Variants in LRP1B observed in about 807,000 individuals in gnomAD.
LRP1B encodes LDL receptor related protein 1B.
A neutral mutation model predicts 556.6 loss-of-function variants in LRP1B; 217 were observed. The observed-to-expected ratio is 0.39, with a 90% CI of 0.35 to 0.44. LRP1B has a LOEUF of 0.44. Among genes scored for constraint, LRP1B ranks in the 20% least tolerant of loss-of-function variants. The pLI, the probability that LRP1B is intolerant of heterozygous loss-of-function variation, is 1.00. For missense variants in LRP1B, 5,053 were observed against 5,620.8 expected (o/e 0.90, Z 3.23); for synonymous variants, 2,047 against 1,865.8 (o/e 1.10, Z -2.50).
intron 86 of LRP1B, among the ~76,000 whole-genome samples, chr2:140,250,002 T>C (rs895970201): frequency 1.3e-5 from 2 of 151,984 alleles, no homozygotes; most frequent in Admixed American, 6.6e-5. Flanking sequence ...TCTATCTCTT[T>C]TTTATTATTC....
At chr2:141,490,181 A>G (rs556894012) in intron 2 of LRP1B, among the ~76,000 whole-genome samples, 161 of 152,258 alleles carry the variant, frequency 1.1e-3, no homozygotes, top group African/African-American at 3.7e-3. Flanking sequence ...TGCATCTAAC[A>G]TATAGAGCTT....
At chr2:141,131,717 G>A (rs1292994265) in intron 7 of LRP1B, among the ~76,000 whole-genome samples, 2 of 151,878 alleles carry the variant, frequency 1.3e-5, no homozygotes, top group Non-Finnish European at 2.9e-5. Context: ...CTCACTGACA[G>A]AGGGAAATGC....
chr2:140,450,849 C>T (rs1686855932), intron 62 of LRP1B, among the ~76,000 whole-genome samples, 188 bp from the exon 63 acceptor site: 1 of 152,210 alleles, frequency 6.6e-6, no homozygotes, highest in Admixed American at 6.5e-5. Context: ...GGAGAGGATA[C>T]TGCTCAGGAA....
chr2:141,832,172 T>A (rs1477364253), intron 1 of LRP1B, among the ~76,000 whole-genome samples: 2 of 151,708 alleles, frequency 1.3e-5, no homozygotes, highest in Non-Finnish European at 3.0e-5. Context: ...CACTCAATTT[T>A]TAAAAAATCT....
intron 82 of LRP1B, among the ~76,000 whole-genome samples, chr2:140,321,506 T>C (rs1259341739): frequency 6.6e-6 from 1 of 152,012 alleles, no homozygotes; most frequent in Non-Finnish European, 1.5e-5. Flanking sequence ...GTAAGTCCCA[T>C]TTTACAGAGA....
intron 2 of LRP1B, among the ~76,000 whole-genome samples, chr2:141,793,696 G>A (rs915155927): frequency 6.6e-6 from 1 of 151,666 alleles, no homozygotes; most frequent in Non-Finnish European, 1.5e-5. Context: ...TATCGCTATT[G>A]ATATTAAAAA....
Position 142,039,616 on chromosome 2 carries a change from T to C in LRP1B, c.82+91032A>G, listed in dbSNP as rs371898113. On this transcript the variant is annotated intron_variant, in intron 1 of 90. Transcript: ENST00000389484. ...AGATGGGAATAGTGTGTTTGTGTGA[T>C]GGGGATTGTCTCATTGCATTTATTA... Among the ~76,000 whole-genome samples the C allele has an allele frequency of 7.9e-5, 12 of 151,604 alleles. No individual in the cohort carries two copies. In the South Asian group the frequency reaches 2.5e-3, roughly 31 times the overall value.
chr2:140,600,894 A>T (rs1251358377), intron 42 of LRP1B, among the ~76,000 whole-genome samples: 1 of 149,354 alleles, frequency 6.7e-6, no homozygotes, highest in East Asian at 2.0e-4. Flanking sequence ...TTTTGTCATG[A>T]AATTTTTACA....
chr2:141,983,245 C>T (rs1028233529), intron 1 of LRP1B, among the ~76,000 whole-genome samples: 1 of 152,070 alleles, frequency 6.6e-6, no homozygotes, highest in Non-Finnish European at 1.5e-5. Flanking sequence ...TGTCATTACC[C>T]TTTCCCCTTT....
chr2:141,851,796 T>G (rs1283889246), intron 1 of LRP1B, among the ~76,000 whole-genome samples: 2 of 151,670 alleles, frequency 1.3e-5, no homozygotes, highest in African/African-American at 4.8e-5. Context: ...TCCAAATATA[T>G]CCAAATAGAC....
At chr2:141,997,072 G>C (rs181857488) in intron 1 of LRP1B, among the ~76,000 whole-genome samples, 1 of 152,228 alleles carries the variant, frequency 6.6e-6, no homozygotes, top group Non-Finnish European at 1.5e-5. Flanking sequence ...CAAGAACCAA[G>C]TGGGCTTAGA....
intron 2 of LRP1B, among the ~76,000 whole-genome samples, chr2:141,494,344 A>G (rs547095645): frequency 6.6e-6 from 1 of 152,292 alleles, no homozygotes; most frequent in East Asian, 1.9e-4. Context: ...CCTAATAGGA[A>G]GGATGGATAC....
intron 66 of LRP1B, among the ~76,000 whole-genome samples, chr2:140,390,775 C>T (rs939144354): frequency 1.8e-4 from 13 of 72,092 alleles, no homozygotes; most frequent in Non-Finnish European, 2.9e-4. Context: ...ACTTCACACA[C>T]ACACACACAC....
intron 1 of LRP1B, among the ~76,000 whole-genome samples, chr2:142,108,006 T>C (rs1294369398): frequency 1.3e-5 from 2 of 150,646 alleles, no homozygotes; most frequent in Non-Finnish European, 3.0e-5. Context: ...ATGTCATATA[T>C]GTTCATAATT....
intron 2 of LRP1B, among the ~76,000 whole-genome samples, chr2:141,579,723 A>AATTTTTTTTTTT (rs1559153915): frequency 3.2e-5 from 1 of 31,148 alleles, no homozygotes; most frequent in Non-Finnish European, 6.5e-5. Flanking sequence ...ATCAGGTTTC[A>AATTTTTTTTTTT]CTTTTTTTTT....
At chr2:140,921,837 A>C (rs1479915712) in intron 21 of LRP1B, among the ~76,000 whole-genome samples, 1 of 152,052 alleles carries the variant, frequency 6.6e-6, no homozygotes, top group Non-Finnish European at 1.5e-5. Flanking sequence ...TGTTTAAGAA[A>C]AGAAAGACAG....
chr2:141,993,893 C>T (rs1016590089), intron 1 of LRP1B, among the ~76,000 whole-genome samples: 8 of 133,918 alleles, frequency 6.0e-5, no homozygotes, highest in African/African-American at 2.0e-4. Flanking sequence ...TGTATCCACA[C>T]TGCTATACTT....
At chr2:141,643,648 A>C (rs1689427567) in intron 2 of LRP1B, among the ~76,000 whole-genome samples, 1 of 152,140 alleles carries the variant, frequency 6.6e-6, no homozygotes. Flanking sequence ...GTCCCACAAA[A>C]GTAGAAAATT....
intron 41 of LRP1B, among the ~76,000 whole-genome samples, chr2:140,644,367 A>G (rs1460330469): frequency 6.6e-6 from 1 of 151,680 alleles, no homozygotes. Flanking sequence ...AATAGGACAC[A>G]TAATAGCATC....
Sources: gnomAD v4.1 joint callset for allele counts (sites outside exome capture counted in the v4.1 genomes callset) on GRCh38, gnomAD v4.1.1 for gene constraint, MANE v1.5 for transcripts, NCBI Gene and HGNC (gene_info 2026-07-23, HGNC 2026-07-21) for gene names.